The following SLC7A2 variants were observed in gnomAD, a reference collection of about 807,000 sequenced individuals.
SLC7A2 encodes the protein cationic amino acid transporter 2.
In SLC7A2, 48 loss-of-function variants were observed where a neutral mutation model predicts 58.9. The observed-to-expected ratio is 0.82, with a 90% CI of 0.65 to 1.04. The LOEUF is 1.04. Among genes scored for constraint, SLC7A2 ranks in the 50% least tolerant of loss-of-function variants. The pLI is 0.00. For missense variants in SLC7A2, 1,029 were observed against 818.8 expected (o/e 1.26, Z -3.13); for synonymous variants, 363 against 314.5 (o/e 1.15, Z -1.63).
chr8:17,527,893 G>A (rs1801282564), intron 2 of SLC7A2, among the ~76,000 whole-genome samples: 1 of 152,112 alleles, frequency 6.6e-6, no homozygotes, highest in Admixed American at 6.5e-5. Flanking sequence ...ATAACAAGGA[G>A]TAAAATCTGT....
At chr8:17,530,864 A>C (rs1585217589) in intron 2 of SLC7A2, among the ~76,000 whole-genome samples, 1 of 152,128 alleles carries the variant, frequency 6.6e-6, no homozygotes, top group East Asian at 1.9e-4. Context: ...GAGCTACTGC[A>C]TCCAGCCAGT....
At chr8:17,554,909 A>G (rs1183357436) in intron 8 of SLC7A2, 3 of 1,610,466 alleles carry the variant, frequency 1.9e-6, no homozygotes, top group Non-Finnish European at 2.5e-6. Flanking sequence ...AATCCTTAAA[A>G]TAACTCATGT....
intron 2 of SLC7A2, among the ~76,000 whole-genome samples, chr8:17,516,863 C>T (rs546065176): frequency 2.6e-5 from 4 of 152,202 alleles, no homozygotes; most frequent in Non-Finnish European, 5.9e-5. Flanking sequence ...ATGTGCCAAG[C>T]ACTCTAGGTA....
At chr8:17,559,853 A>C (rs1248023739) in intron 9 of SLC7A2, among the ~76,000 whole-genome samples, 1 of 152,198 alleles carries the variant, frequency 6.6e-6, no homozygotes, top group African/African-American at 2.4e-5. Context: ...CAGGATGGTC[A>C]GATGAGCTTG....
rs1803194990 is a variant in SLC7A2, at chr8:17,564,950, G to C, written c.1781G>C (p.Gly594Ala). Residue 594 changes from glycine (G) to alanine (A), a missense_variant and splice_region_variant, in exon 13 of 13, where the codon GGC becomes GCC. Gly to Ala is a moderately conservative substitution (Grantham distance 60). Transcript: ENST00000494857. Reference sequence around the variant, plus strand: ...ATTTTTTTTTTTCCTGCCCCAACAGGCTTCCTGATTTACTTTTCTTATGGC... The same window carrying C: ...ATTTTTTTTTTTCCTGCCCCAACAGCCTTCCTGATTTACTTTTCTTATGGC... The part of the protein sequence containing the change: ...WVRFSIWMAI[G>A]FLIYFSYGIR... 2 of 1,571,706 alleles carry C rather than the reference G, an allele frequency of 1.3e-6. No individual in the cohort carries two copies. The highest frequency in any genetic ancestry group is 1.7e-6 in the Non-Finnish European group (2 of 1,163,236).
rs1802015491 is a variant in SLC7A2 at position 17,543,522 on chromosome 8, G to A, written c.183G>A (p.Lys61=). 6.2e-7 allele frequency: 1 copy of A among 1,613,620 alleles called. No individual in the cohort carries two copies. Among genetic ancestry groups the A allele is most frequent in the Non-Finnish European group, 8.5e-7 (1 of 1,179,768 alleles). The stretch of plus-strand genomic sequence containing the variant: ...ATGTCCTCGCTGGGGAGGTGGCCAA[G>A]GCAGACTCGGGCCCCAGCATCGTGG... ...GVYVLAGEVA[K]ADSGPSIVVS... is the part of the protein sequence containing the mutation. Residue 61 remains lysine (K), a synonymous_variant, in exon 3 of 13, where the codon AAG becomes AAA. Coordinates refer to ENST00000494857, the MANE Select transcript of SLC7A2 (RefSeq NM_001370338.1).
intron 2 of SLC7A2, among the ~76,000 whole-genome samples, chr8:17,515,956 C>G (rs1800787109): frequency 6.6e-6 from 1 of 152,088 alleles, no homozygotes; most frequent in African/African-American, 2.4e-5. Context: ...ATGCCTTACT[C>G]TTTTTATATG....
intron 2 of SLC7A2, chr8:17,510,959 A>G (rs1489588524): frequency 2.0e-5 from 3 of 152,246 alleles, no homozygotes; most frequent in African/African-American, 7.2e-5. Context: ...AGGAACGTGG[A>G]TGAAGCTGGA....
At chr8:17,509,793 C>T (rs893464558) in intron 2 of SLC7A2, among the ~76,000 whole-genome samples, 8 of 152,150 alleles carry the variant, frequency 5.3e-5, no homozygotes, top group Admixed American at 1.3e-4. Context: ...GAATCTTCCA[C>T]GTCTCTAAAG....
chr8:17,519,221 C>G (rs989553692), intron 2 of SLC7A2, among the ~76,000 whole-genome samples: 2 of 152,160 alleles, frequency 1.3e-5, no homozygotes, highest in African/African-American at 4.8e-5. Context: ...AAGCACTTAC[C>G]TCATAGGGTT....
At chr8:17,494,342 G>C (rs1799911214), upstream of SLC7A2, among the ~76,000 whole-genome samples, 1 of 152,144 alleles carries the variant, frequency 6.6e-6, no homozygotes, top group Non-Finnish European at 1.5e-5. Context: ...GTTCAGACAT[G>C]CAAGAATGTT....
chr8:17,529,762 C>T (rs1227136153), intron 2 of SLC7A2, among the ~76,000 whole-genome samples: 1 of 152,066 alleles, frequency 6.6e-6, no homozygotes, highest in African/African-American at 2.4e-5. Context: ...GTCTCGAACT[C>T]CTGGCCTCAA....
chr8:17,555,101 G>A, intron 8 of SLC7A2: 2 of 1,612,036 alleles, frequency 1.2e-6, no homozygotes, highest in Non-Finnish European at 1.7e-6. Context: ...TACAAACTTA[G>A]GTTTCTTGAG....
intron 10 of SLC7A2, 131 bp from the exon 11 acceptor site, chr8:17,561,813 C>A: frequency 1.2e-6 from 1 of 800,502 alleles, no homozygotes; most frequent in Non-Finnish European, 2.0e-6. Context: ...AAGGGCAAGG[C>A]GAAGACTCTT....
intron 5 of SLC7A2, 93 bp downstream of exon 5, chr8:17,548,936 C>A: frequency 9.6e-7 from 1 of 1,036,466 alleles, no homozygotes; most frequent in Non-Finnish European, 1.4e-6. Context: ...CTAATAAAGA[C>A]ATACCCATGA....
intron 2 of SLC7A2, among the ~76,000 whole-genome samples, chr8:17,524,421 T>TCAC (rs1382653999): frequency 1.5e-5 from 2 of 135,030 alleles, no homozygotes; most frequent in African/African-American, 5.5e-5. Context: ...TGTGTGTGTG[T>TCAC]ACACACACAC....
intron 2 of SLC7A2, among the ~76,000 whole-genome samples, chr8:17,541,304 G>A (rs941524299): frequency 6.6e-6 from 1 of 152,134 alleles, no homozygotes; most frequent in Non-Finnish European, 1.5e-5. Flanking sequence ...GGCTATTTAA[G>A]GGTTAGCCAG....
intron 9 of SLC7A2, among the ~76,000 whole-genome samples, chr8:17,558,835 G>A (rs1802829359): frequency 1.3e-5 from 2 of 152,224 alleles, no homozygotes; most frequent in South Asian, 4.1e-4. Context: ...GGCTACATTT[G>A]TTCACTGAAC....
In SLC7A2 at chr8:17,543,215, CAAACACACACACACACAT is replaced by C. The variant is rs1229108341; in HGVS notation, c.-22-101_-22-84del. ...ACACACACACACACACACACACACA[CAAACACACACACACACAT>C]ACTCTAATTGTGCCTGGAAGCTAGG... On this transcript the variant is annotated intron_variant, in intron 2 of 12. Coordinates refer to ENST00000494857, the MANE Select transcript of SLC7A2 (RefSeq NM_001370338.1). 33 of 913,276 alleles carry C rather than the reference CAAACACACACACACACAT, an allele frequency of 3.6e-5. No homozygotes were observed. The South Asian group carries it at 5.1e-4, about 14-fold the overall frequency. The allele number at this position is 913,276 out of a possible 1,614,324, so 56.6% of individuals were successfully genotyped here.
Sources: gnomAD v4.1 joint callset for allele counts (sites outside exome capture counted in the v4.1 genomes callset) on GRCh38, gnomAD v4.1.1 for gene constraint, MANE v1.5 for transcripts, NCBI Gene and HGNC (gene_info 2026-07-23, HGNC 2026-07-21) for gene names.